The following FAF1 variants were observed in gnomAD, a reference collection of about 807,000 sequenced individuals.
The protein encoded by FAF1 is FAS-associated factor 1.
FAF1 carries 25 observed loss-of-function variants against 92.5 expected under a neutral mutation model. That is an observed-to-expected ratio of 0.27 (90% CI 0.20 to 0.38). The LOEUF (loss-of-function observed/expected upper bound fraction) is 0.38, where lower values mean the gene tolerates loss of function less well. FAF1 is among the 10% of genes least tolerant of loss of function. FAF1 has a pLI of 1.00. For missense variants in FAF1, 636 were observed against 793.3 expected (o/e 0.80, Z 2.38); for synonymous variants, 234 against 273.2 (o/e 0.86, Z 1.42).
intron 13 of FAF1, among the ~76,000 whole-genome samples, chr1:50,558,869 G>C (rs897011338): frequency 3.3e-5 from 5 of 152,150 alleles, no homozygotes; most frequent in African/African-American, 1.2e-4. Context: ...TGTAGTACTA[G>C]GTAGGAGTGT....
intron 2 of FAF1, among the ~76,000 whole-genome samples, chr1:50,849,392 C>T (rs1644329657): frequency 6.6e-6 from 1 of 152,074 alleles, no homozygotes; most frequent in Non-Finnish European, 1.5e-5. Context: ...CACTATTTTG[C>T]AATTTTTCTG....
intron 7 of FAF1, among the ~76,000 whole-genome samples, chr1:50,697,451 G>A (rs1657282053): frequency 6.6e-6 from 1 of 152,078 alleles, no homozygotes; most frequent in South Asian, 2.1e-4. Context: ...GCATACTGAG[G>A]TGACCCTGTA....
At chr1:50,819,747 A>G (rs1380943521) in intron 2 of FAF1, among the ~76,000 whole-genome samples, 1 of 69,060 alleles carries the variant, frequency 1.4e-5, no homozygotes, top group Non-Finnish European at 3.2e-5. Context: ...ATACATATAT[A>G]TATACATATA....
chr1:50,545,839 T>C (rs1330247399), intron 13 of FAF1, among the ~76,000 whole-genome samples: 1 of 152,236 alleles, frequency 6.6e-6, no homozygotes, highest in Non-Finnish European at 1.5e-5. Flanking sequence ...AGTTAATTAC[T>C]GGATGTTTGT....
At chr1:50,819,051 G>C (rs1002749574) in intron 2 of FAF1, among the ~76,000 whole-genome samples, 5 of 152,058 alleles carry the variant, frequency 3.3e-5, no homozygotes, top group African/African-American at 1.2e-4. Flanking sequence ...CATCATGTTG[G>C]CATTCAAAAA....
intron 7 of FAF1, among the ~76,000 whole-genome samples, chr1:50,682,057 A>T (rs1223953737): frequency 6.6e-6 from 1 of 150,696 alleles, no homozygotes; most frequent in Non-Finnish European, 1.5e-5. Context: ...CTGGTCATGA[A>T]CTCCTGGGCT....
In FAF1 at chr1:50,666,512, G is replaced by A. The variant is rs567487062; in HGVS notation, c.658-10984C>T. On this transcript the variant is annotated intron_variant, in intron 7 of 18. Coordinates refer to ENST00000396153, the MANE Select transcript of FAF1 (RefSeq NM_007051.3). ...TTGTAAGCCACTGTGCCCAGCTACC[G>A]GACACTTTTATAATTGTAACGTGTA... Among the ~76,000 whole-genome samples, 12 of 152,110 alleles carry A rather than the reference G, an allele frequency of 7.9e-5. No individual in the cohort carries two copies. In the South Asian group the frequency reaches 1.0e-3, roughly 13 times the overall value.
chr1:50,877,320 G>A (rs1251849707), intron 1 of FAF1, among the ~76,000 whole-genome samples: 1 of 152,156 alleles, frequency 6.6e-6, no homozygotes, highest in African/African-American at 2.4e-5. Context: ...AAAAAGATTA[G>A]ACAAATCCCT....
chr1:50,467,801 T>G (rs1646516980), intron 18 of FAF1, among the ~76,000 whole-genome samples: 1 of 152,184 alleles, frequency 6.6e-6, no homozygotes, highest in Non-Finnish European at 1.5e-5. Flanking sequence ...GTTTCCCTAT[T>G]CCAAAGCAGG....
intron 1 of FAF1, among the ~76,000 whole-genome samples, chr1:50,876,584 TTTTTG>T (rs769233882): frequency 1.3e-5 from 2 of 152,134 alleles, no homozygotes; most frequent in Non-Finnish European, 2.9e-5. Flanking sequence ...AACATTTGTT[TTTTTG>T]TTTTGTTTTG....
chr1:50,939,617 TGGACCCAGC>T (rs139217450), intron 1 of FAF1, among the ~76,000 whole-genome samples: 14,990 of 152,222 alleles, frequency 0.098, 1,002 homozygotes, highest in South Asian at 0.32. Context: ...TCAAGGGGAA[TGGACCCAGC>T]TTTTGCCCAT....
At chr1:50,492,166 AT>A (rs1479480696) in intron 15 of FAF1, among the ~76,000 whole-genome samples, 1 of 152,182 alleles carries the variant, frequency 6.6e-6, no homozygotes, top group Non-Finnish European at 1.5e-5. Flanking sequence ...CACTTAGTTC[AT>A]TTTCATTATT....
intron 15 of FAF1, among the ~76,000 whole-genome samples, chr1:50,518,966 A>C (rs575306895): frequency 2.0e-5 from 3 of 152,310 alleles, no homozygotes; most frequent in Admixed American, 1.3e-4. Flanking sequence ...TGTGTATTTT[A>C]GCATACAAGC....
In FAF1 at chr1:50,705,792, A is replaced by G; in HGVS notation, c.651T>C (p.Ile217=). 1 of 1,575,810 alleles carries G rather than the reference A, an allele frequency of 6.3e-7. No homozygotes were observed. Among genetic ancestry groups the G allele is most frequent in the African/African-American group, 1.3e-5 (1 of 74,166 alleles). Residue 217 remains isoleucine, a synonymous_variant, in exon 7 of 19, where the codon ATT becomes ATC. Transcript: ENST00000396153. ...YNLNFSGSST[I]QEVKRNVYDL... ...GCTGTGAGACATAACTCACCTCTTG[A>G]ATAGTACTGCTTCCTGAGAAGTTCA...
At chr1:50,775,626 T>C (rs868117971) in intron 4 of FAF1, among the ~76,000 whole-genome samples, 3 of 152,056 alleles carry the variant, frequency 2.0e-5, no homozygotes, top group Non-Finnish European at 2.9e-5. Context: ...AGGAGATGCG[T>C]GTTTTAGAAA....
intron 18 of FAF1, among the ~76,000 whole-genome samples, chr1:50,448,904 A>G (rs1173747886): frequency 6.7e-5 from 10 of 148,250 alleles, no homozygotes; most frequent in Non-Finnish European, 7.4e-5. Context: ...CTTAACAATT[A>G]GGTTTTGATG....
intron 7 of FAF1, among the ~76,000 whole-genome samples, chr1:50,701,927 G>C (rs985893249): frequency 6.6e-6 from 1 of 152,080 alleles, no homozygotes; most frequent in African/African-American, 2.4e-5. Context: ...AAACTTGGAA[G>C]AGGATTTAAA....
intron 6 of FAF1, among the ~76,000 whole-genome samples, chr1:50,734,995 A>G (rs1381975932): frequency 3.3e-5 from 5 of 152,230 alleles, no homozygotes; most frequent in Non-Finnish European, 1.5e-5. Context: ...GAAGAAATGA[A>G]GAGTTTAGGA....
intron 8 of FAF1, among the ~76,000 whole-genome samples, chr1:50,651,208 T>C (rs1654848364): frequency 6.6e-6 from 1 of 152,248 alleles, no homozygotes; most frequent in Admixed American, 6.5e-5. Context: ...TCTCTTGTGT[T>C]ACTGCAAAGT....
Sources: gnomAD v4.1 joint callset for allele counts (sites outside exome capture counted in the v4.1 genomes callset) on GRCh38, gnomAD v4.1.1 for gene constraint, MANE v1.5 for transcripts, NCBI Gene and HGNC (gene_info 2026-07-23, HGNC 2026-07-21) for gene names.